Variants in NOL4 observed in about 807,000 individuals in gnomAD.
NOL4 encodes the protein nucleolar protein 4, also known as cancer/testis antigen 125.
NOL4 carries 17 observed loss-of-function variants against 75.9 expected under a neutral mutation model. The ratio of observed to expected loss-of-function variants is 0.22; its 90% CI spans 0.15 to 0.34. The LOEUF (loss-of-function observed/expected upper bound fraction) is 0.34. NOL4 is among the 10% of genes least tolerant of loss of function. The probability of loss-of-function intolerance (pLI) is 1.00; values close to 1 mark genes in which losing one functional copy is unlikely to be tolerated. For synonymous variants in NOL4, 292 were observed against 289.9 expected, an observed-to-expected ratio of 1.01 and a Z score of -0.07; for missense variants, 614 against 793.5, an observed-to-expected ratio of 0.77 and a Z score of 2.72.
chr18:33,879,995 CCA>C, intron 10 of NOL4, among the ~76,000 whole-genome samples: 1 of 152,078 alleles, frequency 6.6e-6, no homozygotes, highest in Admixed American at 6.6e-5. Context: ...ACCTTTTTAA[CCA>C]CAGTCTTGTT....
intron 9 of NOL4, among the ~76,000 whole-genome samples, chr18:33,919,878 A>G (rs2066928865): frequency 6.6e-6 from 1 of 152,206 alleles, no homozygotes. Flanking sequence ...ACATTTAGGA[A>G]AAATGATTAA....
At chr18:34,209,955 C>T (rs1257616880) in intron 1 of NOL4, among the ~76,000 whole-genome samples, 1 of 152,126 alleles carries the variant, frequency 6.6e-6, no homozygotes, top group East Asian at 1.9e-4. Flanking sequence ...ATTCTATGGG[C>T]ACATCCAATA....
At chr18:34,052,465 T>C (rs1036575508) in intron 5 of NOL4, among the ~76,000 whole-genome samples, 8 of 152,058 alleles carry the variant, frequency 5.3e-5, no homozygotes, top group African/African-American at 1.9e-4. Context: ...TGAAAGAAGT[T>C]AAGGAAAATG....
At chr18:34,019,236 T>A in intron 6 of NOL4, 82 bp downstream of exon 6, 1 of 1,120,798 alleles carries the variant, frequency 8.9e-7, no homozygotes, top group East Asian at 2.4e-5. Context: ...TTAACAATAA[T>A]GTTTATCTGC....
At chr18:33,935,820 T>A (rs955833757) in intron 9 of NOL4, among the ~76,000 whole-genome samples, 8 of 152,142 alleles carry the variant, frequency 5.3e-5, no homozygotes, top group African/African-American at 1.2e-4. Flanking sequence ...AATGAAAGTG[T>A]CATGTTGAAG....
chr18:34,221,118 G>A (rs961184987), intron 1 of NOL4: 4 of 152,116 alleles, frequency 2.6e-5, no homozygotes, highest in Admixed American at 1.3e-4. Context: ...AAATCCATAT[G>A]AGTATAAACT....
intron 6 of NOL4, among the ~76,000 whole-genome samples, chr18:33,978,227 C>A (rs969836665): frequency 3.9e-5 from 6 of 152,052 alleles, no homozygotes; most frequent in African/African-American, 1.4e-4. Context: ...AGATATATGT[C>A]TACCTTTTCT....
intron 1 of NOL4, among the ~76,000 whole-genome samples, chr18:34,165,264 A>C (rs2032185122): frequency 6.6e-6 from 1 of 151,904 alleles, no homozygotes. Flanking sequence ...AATAAAATAA[A>C]GACTGTGTAT....
chr18:34,139,319 G>C (rs972598907), intron 1 of NOL4, among the ~76,000 whole-genome samples: 24 of 152,176 alleles, frequency 1.6e-4, no homozygotes, highest in African/African-American at 5.8e-4. Flanking sequence ...GACTTTTTTT[G>C]GTTGGTAAGC....
At chr18:33,936,327 A>C (rs1243948231) in intron 9 of NOL4, among the ~76,000 whole-genome samples, 1 of 152,092 alleles carries the variant, frequency 6.6e-6, no homozygotes, top group African/African-American at 2.4e-5. Context: ...TAAGGGAAAA[A>C]ACAGTTGCAA....
chr18:34,149,770 C>T (rs1218140435), intron 1 of NOL4, among the ~76,000 whole-genome samples: 1 of 151,606 alleles, frequency 6.6e-6, no homozygotes, highest in African/African-American at 2.4e-5. Flanking sequence ...CACTATATGA[C>T]ACTCTACACA....
intron 10 of NOL4, among the ~76,000 whole-genome samples, chr18:33,862,953 T>C (rs1191043705): frequency 6.6e-6 from 1 of 152,202 alleles, no homozygotes; most frequent in African/African-American, 2.4e-5. Flanking sequence ...ATCATGCTGC[T>C]ATAAAGACAC....
At chr18:34,057,017 G>GA (rs1423731242) in intron 5 of NOL4, among the ~76,000 whole-genome samples, 10 of 152,162 alleles carry the variant, frequency 6.6e-5, no homozygotes, top group Non-Finnish European at 1.5e-4. Context: ...CCTTGACTTA[G>GA]GAAGATTTGT....
chr18:33,869,914 C>T (rs1357675138), intron 10 of NOL4, among the ~76,000 whole-genome samples: 1 of 152,042 alleles, frequency 6.6e-6, no homozygotes, highest in African/African-American at 2.4e-5. Context: ...TGAACCTAGA[C>T]AGCATAATTT....
intron 5 of NOL4, among the ~76,000 whole-genome samples, chr18:34,035,945 A>G (rs566791218): frequency 6.6e-6 from 1 of 152,282 alleles, no homozygotes; most frequent in African/African-American, 2.4e-5. Flanking sequence ...GAAAACCTGA[A>G]CAGACCAGTA....
In NOL4 at chr18:33,962,191, T is replaced by TG. The variant is rs926771096; in HGVS notation, c.1057-3774dup. ...TCTCACTATTACTGAAATTAAGCCC[T>TG]GGACCCTTAAGTTGTATAATACCAT... On this transcript the variant is annotated intron_variant, in intron 6 of 10. Transcript: ENST00000261592. Among the ~76,000 whole-genome samples the TG allele has an allele frequency of 8.5e-5, 13 of 152,282 alleles. No individual in the cohort carries two copies. In the East Asian group the frequency reaches 2.5e-3, roughly 29 times the overall value.
At position 33,982,272 on chromosome 18, in the gene NOL4, A is replaced by G. The variant is rs568673048; in HGVS notation, c.1057-23854T>C. Among the ~76,000 whole-genome samples, 3 of 152,274 alleles carry G rather than the reference A, an allele frequency of 2.0e-5. No homozygotes were observed. The East Asian group carries it at 5.8e-4, about 29-fold the overall frequency. On this transcript the variant is annotated intron_variant, in intron 6 of 10. Transcript: ENST00000261592. The stretch of plus-strand genomic sequence containing the variant: ...CCAATGAAAGAACAGAGATAGTCAG[A>G]GTGGATCAAAAATCAAGATCCAACC...
At chr18:34,032,625 C>A (rs977042359) in intron 5 of NOL4, among the ~76,000 whole-genome samples, 6 of 152,272 alleles carry the variant, frequency 3.9e-5, no homozygotes, top group African/African-American at 1.4e-4. Context: ...GCACTCACCA[C>A]GTGGGATCCA....
At chr18:33,993,869 GA>G (rs1429220002) in intron 6 of NOL4, among the ~76,000 whole-genome samples, 1 of 149,208 alleles carries the variant, frequency 6.7e-6, no homozygotes, top group Non-Finnish European at 1.5e-5. Flanking sequence ...GAAGAAAGAG[GA>G]AAAAAAAGAA....
Sources: gnomAD v4.1 joint callset for allele counts (sites outside exome capture counted in the v4.1 genomes callset) on GRCh38, gnomAD v4.1.1 for gene constraint, MANE v1.5 for transcripts, NCBI Gene and HGNC (gene_info 2026-07-23, HGNC 2026-07-21) for gene names.